Variants in DMD observed in about 807,000 individuals in gnomAD.
The protein encoded by DMD is dystrophin, also known as mutant dystrophin.
Under a neutral mutation model 330.1 loss-of-function variants are expected in DMD, and 63 were observed. The observed-to-expected ratio is 0.19, with a 90% confidence interval of 0.16 to 0.24. DMD has a LOEUF of 0.24. DMD is among the 10% of genes least tolerant of loss of function. DMD has a pLI of 1.00. For missense variants in DMD, 3,344 were observed against 2,684.1 expected, an observed-to-expected ratio of 1.25 and a Z score of -5.43; for synonymous variants, 1,223 against 959.8, an observed-to-expected ratio of 1.27 and a Z score of -5.07.
intron 47 of DMD, among the ~76,000 whole-genome samples, chrX:31,890,223 A>G (rs1045781627): frequency 1.8e-5 from 2 of 109,854 alleles, no homozygotes; most frequent in African/African-American, 6.6e-5. Context: ...TTAAGAAACA[A>G]TTTAGCTGGG....
At chrX:33,269,121 A>C (rs1444330785) in intron 1 of DMD, among the ~76,000 whole-genome samples, 5 of 111,067 alleles carry the variant, frequency 4.5e-5, no homozygotes, top group African/African-American at 1.3e-4. Context: ...CATTTTATCA[A>C]AAAGACACAT....
intron 62 of DMD, among the ~76,000 whole-genome samples, chrX:31,300,575 A>G (rs753303508): frequency 1.8e-5 from 2 of 111,822 alleles, no homozygotes; most frequent in South Asian, 7.7e-4. Context: ...GTATCTTCGT[A>G]TTTAGGTTTA....
intron 64 of DMD, among the ~76,000 whole-genome samples, chrX:31,222,392 CAAAAAAAAAAAAAAA>C (rs57227723): frequency 9.7e-5 from 2 of 20,626 alleles, no homozygotes; most frequent in Non-Finnish European, 1.7e-4. Context: ...GACTCCATCT[CAAAAAAAAAAAAAAA>C]AAAAAAAAAA....
At chrX:31,157,799 CTT>C (rs5901974) in intron 74 of DMD, among the ~76,000 whole-genome samples, 2 of 99,479 alleles carry the variant, frequency 2.0e-5, no homozygotes, top group African/African-American at 7.4e-5. Context: ...ACTATAGAAT[CTT>C]TTTTTTTTTT....
rs1464211886 is a variant in DMD, at chrX:31,929,509, C to T, written c.6912+87G>A. The T allele has an allele frequency of 3.0e-5, 33 of 1,087,400 alleles. No homozygotes were observed. The East Asian group carries it at 5.4e-4, about 18-fold the overall frequency. The allele number at this position is 1,087,400 out of a possible 1,213,427, so 89.6% of individuals were successfully genotyped here. On this transcript the variant is annotated intron_variant, in intron 47 of 78. Transcript: ENST00000357033. ...ACAATCCACATACCAGCCTCCTCCC[C>T]GACCAATGAAGCACCCAGGAAACAA...
chrX:32,486,453 G>C, intron 20 of DMD, among the ~76,000 whole-genome samples: 1 of 111,001 alleles, frequency 9.0e-6, no homozygotes, highest in South Asian at 3.8e-4. Flanking sequence ...GGCTAGCACT[G>C]TATTTCTTTT....
intron 44 of DMD, among the ~76,000 whole-genome samples, chrX:32,002,994 A>G (rs1189275940): frequency 1.8e-5 from 2 of 111,562 alleles, no homozygotes; most frequent in Non-Finnish European, 3.8e-5. Flanking sequence ...ATAGTTTGGA[A>G]GTTAAGTCTA....
intron 2 of DMD, among the ~76,000 whole-genome samples, chrX:32,853,788 A>C (rs2081330375): frequency 2.0e-5 from 2 of 101,824 alleles, no homozygotes; most frequent in Non-Finnish European, 2.0e-5. Context: ...AAAAAAAAAC[A>C]AACAACAACA....
intron 44 of DMD, among the ~76,000 whole-genome samples, chrX:32,130,864 A>C (rs1262860392): frequency 8.9e-6 from 1 of 112,078 alleles, no homozygotes; most frequent in African/African-American, 3.2e-5. Context: ...TTTTCTGTAT[A>C]AGACATATTG....
chrX:31,759,631 C>T (rs1195949025), intron 51 of DMD, among the ~76,000 whole-genome samples: 1 of 111,741 alleles, frequency 8.9e-6, no homozygotes, highest in African/African-American at 3.2e-5. Context: ...CTCTTTAAAG[C>T]TCTCATGCAG....
At chrX:32,877,481 A>T (rs1413187590) in intron 2 of DMD, among the ~76,000 whole-genome samples, 2 of 112,286 alleles carry the variant, frequency 1.8e-5, no homozygotes, top group Non-Finnish European at 3.8e-5. Context: ...GAGATGTTTC[A>T]AAATTATTCA....
chrX:32,135,999 A>C (rs905746355), intron 44 of DMD, among the ~76,000 whole-genome samples: 2 of 112,073 alleles, frequency 1.8e-5, no homozygotes, highest in African/African-American at 6.5e-5. Context: ...TTGTATTAAA[A>C]AAATCTGATT....
At chrX:31,551,961 T>C (rs754261039) in intron 55 of DMD, among the ~76,000 whole-genome samples, 5 of 112,268 alleles carry the variant, frequency 4.5e-5, no homozygotes, top group South Asian at 3.7e-4. Context: ...AAAAAAATCA[T>C]TGGTGCCTAA....
intron 2 of DMD, among the ~76,000 whole-genome samples, chrX:33,017,323 T>A (rs1044137307): frequency 2.7e-5 from 3 of 111,510 alleles, no homozygotes. Context: ...ATTATATAAA[T>A]GTGTGTATAA....
chrX:33,116,256 A>C (rs1156266769), intron 1 of DMD, among the ~76,000 whole-genome samples: 1 of 111,048 alleles, frequency 9.0e-6, no homozygotes, highest in Non-Finnish European at 1.9e-5. Flanking sequence ...CACACCTGTA[A>C]TCCCAGCACT....
intron 76 of DMD, among the ~76,000 whole-genome samples, chrX:31,141,304 A>G (rs1315691851): frequency 8.9e-6 from 1 of 112,643 alleles, no homozygotes; most frequent in African/African-American, 3.2e-5. Context: ...AAAGGATGCT[A>G]TATTTCAGGT....
chrX:32,375,333 A>G (rs762347982), intron 34 of DMD, among the ~76,000 whole-genome samples: 1 of 112,488 alleles, frequency 8.9e-6, no homozygotes, highest in South Asian at 3.7e-4. Flanking sequence ...CTGTTGCTCA[A>G]TCAGCAGGAG....
At chrX:33,067,981 T>TAAC (rs765425753) in intron 1 of DMD, among the ~76,000 whole-genome samples, 1 of 112,393 alleles carries the variant, frequency 8.9e-6, no homozygotes, top group Non-Finnish European at 1.9e-5. Flanking sequence ...TTAAACAAAA[T>TAAC]AACAACAATA....
intron 1 of DMD, among the ~76,000 whole-genome samples, chrX:33,110,240 T>C (rs2095329486): frequency 9.0e-6 from 1 of 111,351 alleles, no homozygotes; most frequent in African/African-American, 3.3e-5. Flanking sequence ...CATGGTATTA[T>C]ATGTACTTGC....
Sources: allele counts gnomAD v4.1 joint callset (sites outside exome capture counted in the v4.1 genomes callset), GRCh38; gene constraint gnomAD v4.1.1; transcripts MANE v1.5; gene names NCBI Gene and HGNC (gene_info 2026-07-23, HGNC 2026-07-21).